Variants in ARMCX4 observed in about 807,000 individuals in gnomAD.
ARMCX4 encodes armadillo repeat containing X-linked 4.
A neutral mutation model predicts 34.7 loss-of-function variants in ARMCX4; 3 were observed. The ratio of observed to expected loss-of-function variants is 0.09; its 90% confidence interval spans 0.04 to 0.22. The LOEUF (loss-of-function observed/expected upper bound fraction) is 0.22. ARMCX4 is among the 10% of genes least tolerant of loss of function. The pLI is 1.00. For missense variants in ARMCX4, 1,448 were observed against 1,720.8 expected (o/e 0.84, Z 2.81); for synonymous variants, 513 against 632.8 (o/e 0.81, Z 2.84).
intron 4 of ARMCX4, among the ~76,000 whole-genome samples, chrX:101,474,579 A>G (rs1933086596): frequency 9.6e-6 from 1 of 104,074 alleles, no homozygotes; most frequent in Admixed American, 1.1e-4. Context: ...TGGCAAACTG[A>G]ATCCAGCAGC....
chrX:101,432,632 G>C (rs1349361492), intron 2 of ARMCX4, among the ~76,000 whole-genome samples: 1 of 108,687 alleles, frequency 9.2e-6, no homozygotes, highest in Non-Finnish European at 1.9e-5. Context: ...CTGCACTCCA[G>C]CCTGGCAACA....
intron 4 of ARMCX4, among the ~76,000 whole-genome samples, chrX:101,452,909 G>T (rs1163473634): frequency 2.9e-5 from 3 of 104,823 alleles, no homozygotes; most frequent in East Asian, 6.1e-4. Context: ...GGAGGTAGTA[G>T]GGAGGGAGAA....
intron 8 of ARMCX4, among the ~76,000 whole-genome samples, chrX:101,505,617 G>A (rs781888481): frequency 3.6e-5 from 4 of 111,588 alleles, no homozygotes; most frequent in Non-Finnish European, 7.5e-5. Context: ...CCTAGTACAT[G>A]TGGGGCTTTG....
At chrX:101,528,706 C>CAAATCATG (rs1316993991) in intron 11 of ARMCX4, among the ~76,000 whole-genome samples, 10 of 111,117 alleles carry the variant, frequency 9.0e-5, no homozygotes, top group Admixed American at 6.7e-4. Context: ...AACAGAGAGC[C>CAAATCATG]AAATCATGAG....
downstream of ARMCX4, among the ~76,000 whole-genome samples, chrX:101,497,266 T>G (rs1490294337): frequency 7.2e-5 from 8 of 110,349 alleles, no homozygotes; most frequent in Non-Finnish European, 1.5e-4. Context: ...AGACGGAGTC[T>G]CCCTCTGTCG....
intron 2 of ARMCX4, among the ~76,000 whole-genome samples, chrX:101,422,811 G>A (rs868962661): frequency 9.0e-6 from 1 of 111,711 alleles, no homozygotes; most frequent in African/African-American, 3.3e-5. Flanking sequence ...GGTGGAGTCG[G>A]TTAGGTCTGA....
rs782773796 is a variant in ARMCX4, at chrX:101,492,002, T to C, written c.3413T>C (p.Ile1138Thr). The C allele has an allele frequency of 8.7e-7, 1 of 1,154,018 alleles. No homozygotes were observed. The highest frequency in any genetic ancestry group is 1.9e-5 in the South Asian group (1 of 52,654). ...GCTGATGATGAGAATGAAGCCAGTA[T>C]TGGGTCCTGGAGTGGGGCTAGTGAT... ...SWADDENEAS[I>T]GSWSGASDKA... Residue 1138 changes from isoleucine to threonine, a missense_variant, in exon 6 of 6, where the codon ATT becomes ACT. By Grantham distance (89) the Ile-to-Thr change is moderately conservative. This residue lies in a region of ARMCX4 where 1,343 missense variants were observed against 1,540.7 expected (regional missense o/e 0.87). Transcript: ENST00000423738.
intron 11 of ARMCX4, among the ~76,000 whole-genome samples, chrX:101,528,124 G>A (rs1935025764): frequency 9.0e-6 from 1 of 111,566 alleles, no homozygotes; most frequent in African/African-American, 3.3e-5. Flanking sequence ...ACATCAAAAA[G>A]CTTATCCACC....
At chrX:101,431,438 T>C (rs1190724247) in intron 2 of ARMCX4, among the ~76,000 whole-genome samples, 7 of 112,711 alleles carry the variant, frequency 6.2e-5, no homozygotes, top group African/African-American at 2.3e-4. Context: ...ATTTTTTGGC[T>C]CTATTGTATT....
intron 2 of ARMCX4, among the ~76,000 whole-genome samples, chrX:101,421,222 AAAG>A (rs1929230289): frequency 9.2e-6 from 1 of 108,874 alleles, no homozygotes; most frequent in Non-Finnish European, 1.9e-5. Flanking sequence ...AAAAAAAAAA[AAAG>A]AAAGGAAAAG....
intron 4 of ARMCX4, among the ~76,000 whole-genome samples, chrX:101,462,941 T>A (rs1932688009): frequency 8.9e-6 from 1 of 111,905 alleles, no homozygotes; most frequent in Non-Finnish European, 1.9e-5. Flanking sequence ...TTCAGAGGAT[T>A]GCTGCCAGTG....
intron 4 of ARMCX4, among the ~76,000 whole-genome samples, chrX:101,459,241 T>C (rs931239579): frequency 1.8e-5 from 2 of 112,371 alleles, no homozygotes; most frequent in African/African-American, 6.5e-5. Flanking sequence ...TATGATTTAA[T>C]TTTAACTTCT....
chrX:101,433,193 C>G (rs782804899), intron 2 of ARMCX4, among the ~76,000 whole-genome samples: 1 of 44,962 alleles, frequency 2.2e-5, no homozygotes, highest in African/African-American at 5.7e-5. Flanking sequence ...CGCACACATA[C>G]ACATATATGT....
intron 2 of ARMCX4, among the ~76,000 whole-genome samples, chrX:101,437,896 G>A (rs111895611): frequency 5.4e-5 from 6 of 111,626 alleles, no homozygotes; most frequent in African/African-American, 9.8e-5. Context: ...CCTTCATTTC[G>A]TTATGTACCC....
chrX:101,490,062 G>C lies in ARMCX4; in HGVS notation c.1473G>C (p.Lys491Asn). The C allele has an allele frequency of 8.7e-7, 1 of 1,155,974 alleles. No individual in the cohort carries two copies. The highest frequency in any genetic ancestry group is 1.1e-6 in the Non-Finnish European group (1 of 872,877). Reference protein sequence around the residue: ...QADTLSDGKIKVRGNVNTMPK... With the variant: ...QADTLSDGKINVRGNVNTMPK... The stretch of plus-strand genomic sequence containing the variant: ...ATACCTTGTCTGATGGCAAAATTAA[G>C]GTCAGGGGCAATGTCAATACCATGC... The change falls in exon 6 of 6, where the codon AAG becomes AAC. Residue 491 changes from lysine to asparagine, a missense_variant. Coordinates refer to ENST00000423738, the MANE Select transcript of ARMCX4 (RefSeq NM_001256155.3).
chrX:101,529,853 T>G (rs1385722808), intron 11 of ARMCX4, among the ~76,000 whole-genome samples: 2 of 111,680 alleles, frequency 1.8e-5, no homozygotes, highest in African/African-American at 6.5e-5. Flanking sequence ...GGAGAGGATG[T>G]GGAGAAATAG....
chrX:101,492,977 C>T lies in ARMCX4; in HGVS notation c.4388C>T (p.Pro1463Leu), dbSNP rs1252427958. 6.1e-6 allele frequency: 7 copies of T among 1,153,716 alleles called. No individual in the cohort carries two copies. The South Asian group carries it at 7.6e-5, about 13-fold the overall frequency. ...AGHPASVGPK[P>L]IFEDQVSGRG... ...CATCCAGCTAGTGTTGGGCCAAAGC[C>T]TATATTTGAGGATCAGGTCAGTGGC... The change falls in exon 6 of 6, where the codon CCT (proline) becomes CTT (leucine). Residue 1463 changes from proline (P) to leucine (L), a missense_variant. By Grantham distance (98) the Pro-to-Leu change is moderately conservative (BLOSUM62 -3). This residue lies in a region of ARMCX4 where 1,343 missense variants were observed against 1,540.7 expected (regional missense o/e 0.87). Coordinates refer to ENST00000423738, the MANE Select transcript of ARMCX4 (RefSeq NM_001256155.3).
intron 11 of ARMCX4, among the ~76,000 whole-genome samples, chrX:101,528,889 T>C (rs1935050057): frequency 2.7e-5 from 3 of 111,073 alleles, no homozygotes; most frequent in Non-Finnish European, 5.7e-5. Context: ...AATCAATATC[T>C]TCAAAATGGC....
intron 2 of ARMCX4, chrX:101,444,041 T>C: frequency 2.7e-6 from 1 of 369,703 alleles, no homozygotes. Flanking sequence ...AACTAAATTA[T>C]TTCTCTCCAG....
Sources: allele counts gnomAD v4.1 joint callset (sites outside exome capture counted in the v4.1 genomes callset), GRCh38; gene constraint gnomAD v4.1.1; regional missense constraint gnomAD v4.1.1; transcripts MANE v1.5; gene names NCBI Gene and HGNC (gene_info 2026-07-23, HGNC 2026-07-21).